HSP90AA1: variants seen among roughly 807,000 people sequenced by gnomAD.
HSP90AA1 encodes the protein heat shock protein HSP 90-alpha.
In HSP90AA1, 18 loss-of-function variants were observed where a neutral mutation model predicts 73.3. The ratio of observed to expected loss-of-function variants is 0.25; its 90% confidence interval spans 0.17 to 0.36. The LOEUF (loss-of-function observed/expected upper bound fraction) is 0.36. Among genes scored for constraint, HSP90AA1 ranks in the 10% least tolerant of loss-of-function variants. The probability of loss-of-function intolerance (pLI) is 1.00; values close to 1 mark genes in which losing one functional copy is unlikely to be tolerated. For missense variants in HSP90AA1, 704 were observed against 874.2 expected, an observed-to-expected ratio of 0.81 and a Z score of 2.45; for synonymous variants, 477 against 296.9, an observed-to-expected ratio of 1.61 and a Z score of -6.24.
intron 1 of HSP90AA1, among the ~76,000 whole-genome samples, chr14:102,137,300 G>A (rs1595685574): frequency 6.6e-6 from 1 of 151,372 alleles, no homozygotes; most frequent in Middle Eastern, 3.4e-3. Flanking sequence ...ATAAAATTAG[G>A]TCAGGCCCAT....
chr14:102,131,887 G>A (rs909557395), intron 1 of HSP90AA1, among the ~76,000 whole-genome samples: 5 of 152,140 alleles, frequency 3.3e-5, no homozygotes, highest in African/African-American at 1.2e-4. Flanking sequence ...AGGAATTCCT[G>A]TTTACTGATG....
At chr14:102,089,502 G>GC (rs2049323887), upstream of HSP90AA1, among the ~76,000 whole-genome samples, 1 of 152,312 alleles carries the variant, frequency 6.6e-6, no homozygotes, top group Admixed American at 6.5e-5. Context: ...CAACACGCCA[G>GC]CCCCTGGCTG....
chr14:102,092,779 C>T (rs2049375059), intron 2 of HSP90AA1, among the ~76,000 whole-genome samples: 1 of 152,044 alleles, frequency 6.6e-6, no homozygotes, highest in South Asian at 2.1e-4. Flanking sequence ...TTTTTTGAGA[C>T]AGGGTCTGTC....
intron 1 of HSP90AA1, among the ~76,000 whole-genome samples, chr14:102,137,532 G>T (rs185521614): frequency 0.012 from 1,814 of 151,624 alleles, 16 homozygotes; most frequent in Middle Eastern, 0.041. Flanking sequence ...CACCATGTTG[G>T]CCAGGCGGTC....
Position 102,081,302 on chromosome 14 carries a change from G to C in HSP90AA1, c.*410C>G, listed in dbSNP as rs1450568020. 6 of 298,322 alleles carry C rather than the reference G, an allele frequency of 2.0e-5. No homozygotes were observed. The highest frequency in any genetic ancestry group is 1.3e-5 in the Non-Finnish European group (2 of 157,446). 18.5% of individuals were successfully genotyped at this position (298,322 alleles called of 1,614,324 possible). On this transcript the variant is annotated 3_prime_UTR_variant, in exon 11 of 11. Transcript: ENST00000216281. Reference sequence around the variant, plus strand: ...TGCAGAATTGTCAACTACAGGGAATGAAAAGTTCAAAAAGTAGATCCTACA... The same window carrying C: ...TGCAGAATTGTCAACTACAGGGAATCAAAAGTTCAAAAAGTAGATCCTACA...
intron 1 of HSP90AA1, among the ~76,000 whole-genome samples, chr14:102,113,100 T>G (rs1019723599): frequency 2.6e-5 from 4 of 151,914 alleles, no homozygotes; most frequent in African/African-American, 9.7e-5. Context: ...CTTGGTTCAC[T>G]GCGACCTCTG....
rs890488238 is a variant in HSP90AA1, at chr14:102,083,882, C to T, written c.1249G>A (p.Val417Ile). The stretch of plus-strand genomic sequence containing the variant: ...GTAAAGAGTTCTAAGCATTTTTTGA[C>T]CAAATTCTTCCTGATAACTTTCAAA... ...KILKVIRKNL[V>I]KKCLELFTEL... The change falls in exon 7 of 11, where the codon GTC becomes ATC. Residue 417 changes from valine to isoleucine, a missense_variant. By Grantham distance (29) the Val-to-Ile change is conservative (BLOSUM62 3). Transcript: ENST00000216281. The T allele has an allele frequency of 1.9e-6, 3 of 1,613,852 alleles. No homozygotes were observed. The highest frequency in any genetic ancestry group is 1.7e-6 in the Non-Finnish European group (2 of 1,179,870).
In HSP90AA1 at chr14:102,084,744, A is replaced by C; in HGVS notation, c.918T>G (p.Asn306Lys). The change falls in exon 5 of 11, where the codon AAT becomes AAG. Residue 306 changes from asparagine to lysine, a missense_variant. Transcript: ENST00000216281. ...IWTRNPDDIT[N>K]EEYGEFYKSL... Reference sequence around the variant, plus strand: ...TCTTATAGAATTCTCCGTACTCCTCATTAGTAATATCGTCGGGATTTCTGG... The same window carrying C: ...TCTTATAGAATTCTCCGTACTCCTCCTTAGTAATATCGTCGGGATTTCTGG... The C allele has an allele frequency of 6.2e-7, 1 of 1,614,122 alleles. No homozygotes were observed. Among genetic ancestry groups the C allele is most frequent in the South Asian group, 1.1e-5 (1 of 91,070 alleles).
upstream of HSP90AA1, among the ~76,000 whole-genome samples, chr14:102,090,759 G>A (rs576925646): frequency 1.3e-5 from 2 of 152,258 alleles, no homozygotes; most frequent in East Asian, 3.9e-4. Flanking sequence ...CCTCAACAAC[G>A]TATTTCTAAT....
intron 3 of HSP90AA1, 35 bp downstream of exon 3, chr14:102,085,723 C>T (rs907992605): frequency 2.5e-6 from 4 of 1,613,760 alleles, no homozygotes; most frequent in African/African-American, 2.7e-5. Flanking sequence ...CACCCTTCCA[C>T]CGCTCACTTA....
intron 1 of HSP90AA1, among the ~76,000 whole-genome samples, chr14:102,137,016 C>T (rs981794021): frequency 6.6e-6 from 1 of 152,160 alleles, no homozygotes; most frequent in Middle Eastern, 3.4e-3. Context: ...GAGTTCGAGA[C>T]CAGCCTGGCC....
intron 1 of HSP90AA1, among the ~76,000 whole-genome samples, chr14:102,120,669 G>A (rs1426090174): frequency 4.6e-5 from 7 of 151,916 alleles, no homozygotes; most frequent in Non-Finnish European, 8.8e-5. Flanking sequence ...TAGGCCGGGT[G>A]CGATGGCTCA....
At chr14:102,087,049 C>G (rs1257877270), upstream of HSP90AA1, 2 of 985,278 alleles carry the variant, frequency 2.0e-6, no homozygotes, top group Non-Finnish European at 2.4e-6. Context: ...GCAACTGACG[C>G]GCCACCCCCG....
At chr14:102,106,911 C>A (rs549565147) in intron 1 of HSP90AA1, among the ~76,000 whole-genome samples, 1 of 151,886 alleles carries the variant, frequency 6.6e-6, no homozygotes, top group South Asian at 2.1e-4. Context: ...GAGATGGATC[C>A]TGAAGAATGA....
rs2049136973 is a variant in HSP90AA1, at chr14:102,083,088, CTTTG to C, written c.1697_1700del (p.Thr566SerfsTer9). 4.3e-6 allele frequency: 7 copies of C among 1,613,704 alleles called. No homozygotes were observed. Among genetic ancestry groups the C allele is most frequent in the African/African-American group, 1.3e-5 (1 of 74,890 alleles). ...TCATGATTTTGCAGAGGTTCTCAAA[CTTTG>C]TTTTTTTCTCTTCCTGCTTCTTTTT... On this transcript the variant is annotated frameshift_variant, in exon 9 of 11. Transcript: ENST00000216281. LOFTEE classifies it high-confidence loss of function.
chr14:102,095,567 A>G (rs1566725992), intron 2 of HSP90AA1, among the ~76,000 whole-genome samples: 1 of 152,198 alleles, frequency 6.6e-6, no homozygotes, highest in Non-Finnish European at 1.5e-5. Flanking sequence ...GGCCAGAAAC[A>G]TACAAACAAG....
chr14:102,082,466 T>C, intron 9 of HSP90AA1, 22 bp from the exon 10 acceptor site: 1 of 1,569,466 alleles, frequency 6.4e-7, no homozygotes, highest in South Asian at 1.1e-5. Flanking sequence ...AAGTGATGAC[T>C]AGGAACCTAG....
At chr14:102,081,943 T>C (rs918249320) in intron 10 of HSP90AA1, 122 bp from the exon 11 acceptor site, 1 of 776,374 alleles carries the variant, frequency 1.3e-6, no homozygotes, top group African/African-American at 1.7e-5. Flanking sequence ...TCAATTTCAT[T>C]TCTTTGCTCT....
chr14:102,129,504 CTTT>C (rs34986713), intron 1 of HSP90AA1, among the ~76,000 whole-genome samples: 48 of 108,468 alleles, frequency 4.4e-4, no homozygotes, highest in Admixed American at 1.0e-3. Context: ...TACTACATTC[CTTT>C]TTTTTTTTTT....
Sources: gnomAD v4.1 joint callset for allele counts (sites outside exome capture counted in the v4.1 genomes callset) on GRCh38, gnomAD v4.1.1 for gene constraint, MANE v1.5 for transcripts, NCBI Gene and HGNC (gene_info 2026-07-23, HGNC 2026-07-21) for gene names.